Variants in ADGRA3 observed in about 807,000 individuals in gnomAD.
ADGRA3 encodes the protein adhesion G protein-coupled receptor A3.
ADGRA3 carries 56 observed loss-of-function variants against 119.8 expected under a neutral mutation model. The ratio of observed to expected loss-of-function variants is 0.47; its 90% CI spans 0.38 to 0.58. The LOEUF is 0.58. ADGRA3 is among the 20% of genes least tolerant of loss of function. The pLI, the probability that ADGRA3 is intolerant of heterozygous loss-of-function variation, is 0.00. For synonymous variants in ADGRA3, 607 were observed against 623.8 expected, an observed-to-expected ratio of 0.97 and a Z score of 0.40; for missense variants, 1,516 against 1,649.0, an observed-to-expected ratio of 0.92 and a Z score of 1.40.
Position 22,387,608 on chromosome 4 carries a change from C to G in ADGRA3, c.*97G>C, listed in dbSNP as rs1177103433. 1 of 1,158,052 alleles carries G rather than the reference C, an allele frequency of 8.6e-7. No individual in the cohort carries two copies. The highest frequency in any genetic ancestry group is 1.2e-6 in the Non-Finnish European group (1 of 842,110). 71.7% of individuals were successfully genotyped at this position (1,158,052 alleles called of 1,614,324 possible). ...AAGTTTATTCCAAATTCTTTTGAAT[C>G]CCTATGGTGGCTGTAAACAGTTTTT... On this transcript the variant is annotated 3_prime_UTR_variant, in exon 19 of 19. Coordinates refer to ENST00000334304, the MANE Select transcript of ADGRA3 (RefSeq NM_145290.4).
intron 12 of ADGRA3, chr4:22,414,508 A>G (rs1166997728): frequency 3.2e-6 from 2 of 622,598 alleles, no homozygotes; most frequent in Non-Finnish European, 5.7e-6. Flanking sequence ...TGAACAATTA[A>G]CCATCTAAAA....
At chr4:22,416,135 AT>A (rs1343432051) in intron 12 of ADGRA3, among the ~76,000 whole-genome samples, 1 of 152,180 alleles carries the variant, frequency 6.6e-6, no homozygotes, top group Non-Finnish European at 1.5e-5. Flanking sequence ...TTGTAAATCT[AT>A]TAGTCACCGC....
intron 4 of ADGRA3, among the ~76,000 whole-genome samples, 189 bp from the exon 5 acceptor site, chr4:22,447,700 A>G (rs1470209836): frequency 6.6e-6 from 1 of 152,180 alleles, no homozygotes. Context: ...ATTATGCTTC[A>G]CCTTACACAA....
intron 1 of ADGRA3, among the ~76,000 whole-genome samples, chr4:22,501,138 A>G (rs950214755): frequency 7.9e-5 from 12 of 152,172 alleles, no homozygotes; most frequent in Admixed American, 4.6e-4. Context: ...TAACCATGTG[A>G]GCCAACACCT....
chr4:22,511,804 C>T (rs1383827280), intron 1 of ADGRA3, among the ~76,000 whole-genome samples: 1 of 152,080 alleles, frequency 6.6e-6, no homozygotes, highest in Non-Finnish European at 1.5e-5. Flanking sequence ...CTCTCCAAAC[C>T]CGTGGGCACC....
chr4:22,485,426 C>T (rs1184561961), intron 1 of ADGRA3, among the ~76,000 whole-genome samples: 1 of 151,862 alleles, frequency 6.6e-6, no homozygotes, highest in Non-Finnish European at 1.5e-5. Flanking sequence ...CAACCTTTCC[C>T]ATTAGATGCT....
chr4:22,443,131 G>A lies in ADGRA3; in HGVS notation c.707-268C>T, dbSNP rs1280018166. On this transcript the variant is annotated intron_variant, in intron 6 of 18. Transcript: ENST00000334304. ...ATCCTAAGAGTATCAGATGATTACA[G>A]AAATGAACTAAAAGAACAAGCTGTG... 6.0e-6 allele frequency: 4 copies of A among 670,962 alleles called. No homozygotes were observed. The Admixed American group carries it at 1.0e-4, about 17-fold the overall frequency. The allele number at this position is 670,962 out of a possible 1,614,324, so 41.6% of individuals were successfully genotyped here.
chr4:22,472,880 G>C (rs1420168133), intron 2 of ADGRA3: 1 of 152,118 alleles, frequency 6.6e-6, no homozygotes, highest in African/African-American at 2.4e-5. Context: ...TATCCTAAAT[G>C]CATGAGTTAA....
At chr4:22,456,267 T>C (rs1717232643) in intron 3 of ADGRA3, among the ~76,000 whole-genome samples, 1 of 152,184 alleles carries the variant, frequency 6.6e-6, no homozygotes, top group South Asian at 2.1e-4. Flanking sequence ...GAGGCCTCAA[T>C]GGCTGGTGAA....
chr4:22,470,143 G>T (rs991191805), intron 2 of ADGRA3, among the ~76,000 whole-genome samples: 1 of 151,994 alleles, frequency 6.6e-6, no homozygotes, highest in South Asian at 2.1e-4. Context: ...ATCTTTTTAC[G>T]ATTTTAATTA....
intron 2 of ADGRA3, among the ~76,000 whole-genome samples, chr4:22,469,974 C>G (rs576445976): frequency 1.3e-5 from 2 of 152,254 alleles, no homozygotes; most frequent in Admixed American, 6.5e-5. Flanking sequence ...TATGTATATC[C>G]TATGTTTCTC....
At chr4:22,493,115 C>A (rs987374736) in intron 1 of ADGRA3, among the ~76,000 whole-genome samples, 1 of 152,194 alleles carries the variant, frequency 6.6e-6, no homozygotes, top group African/African-American at 2.4e-5. Context: ...CAAGTGTACA[C>A]CACCACACAC....
In ADGRA3 at chr4:22,390,348, T is replaced by TTA. The variant is rs10623892; in HGVS notation, c.2628-1167_2628-1166dup. 1.6e-3 allele frequency among the ~76,000 whole-genome samples: 123 copies of TTA among 78,940 alleles called. 12 individuals carry two copies. Among genetic ancestry groups the TTA allele is most frequent in the East Asian group, 0.012 (29 of 2,514 alleles). 51.8% of individuals were successfully genotyped at this position (78,940 alleles called of 152,430 possible). A position where few individuals can be genotyped will look rare whatever the true frequency, so the allele number is the denominator to read the frequency against. On this transcript the variant is annotated intron_variant, in intron 17 of 18. Transcript: ENST00000334304. ...TATATATATATATATAAAATACATATTATATATATATAATACGTATTATAT... is the reference window on the plus strand; with the variant it reads ...TATATATATATATATAAAATACATATTATATATATATATAATACGTATTATAT...
chr4:22,449,270 A>C (rs1716943605), intron 4 of ADGRA3, among the ~76,000 whole-genome samples: 1 of 146,302 alleles, frequency 6.8e-6, no homozygotes. Context: ...ACCCCGTCTC[A>C]AAAAAAAAAA....
intron 1 of ADGRA3, among the ~76,000 whole-genome samples, chr4:22,507,628 C>T (rs1277965933): frequency 1.3e-5 from 2 of 152,180 alleles, no homozygotes; most frequent in African/African-American, 4.8e-5. Context: ...CCAACTTCTC[C>T]TGGTGCTGGA....
chr4:22,477,006 G>T (rs79004716), intron 1 of ADGRA3, among the ~76,000 whole-genome samples: 1 of 151,544 alleles, frequency 6.6e-6, no homozygotes, highest in Non-Finnish European at 1.5e-5. Context: ...AATATCTTTC[G>T]AAATCTCTAA....
intron 10 of ADGRA3, among the ~76,000 whole-genome samples, chr4:22,434,004 A>G (rs1446086163): frequency 1.3e-5 from 2 of 152,078 alleles, no homozygotes; most frequent in Non-Finnish European, 2.9e-5. Flanking sequence ...AGTCCCGTTT[A>G]TATACATGTA....
chr4:22,401,866 A>T (rs1714668562), intron 15 of ADGRA3, among the ~76,000 whole-genome samples: 1 of 152,136 alleles, frequency 6.6e-6, no homozygotes, highest in African/African-American at 2.4e-5. Flanking sequence ...TTTTGTTACT[A>T]CGATGTCTTA....
rs752909223 is a variant in ADGRA3, at chr4:22,424,321, T to A, written c.1475A>T (p.Asn492Ile). Residue 492 changes from asparagine to isoleucine, a missense_variant, in exon 11 of 19, where the codon AAC (asparagine) becomes ATC (isoleucine). Transcript: ENST00000334304. ...GACACGTTCATCAGCCAACATGATGTTACTTGCAATGTCAACCATCACGTC... is the reference window on the plus strand; with the variant it reads ...GACACGTTCATCAGCCAACATGATGATACTTGCAATGTCAACCATCACGTC... ...LGDVMVDIAS[N>I]IMLADERVLW... The A allele has an allele frequency of 1.2e-6, 2 of 1,613,748 alleles. No individual in the cohort carries two copies. The highest frequency in any genetic ancestry group is 4.5e-5 in the East Asian group (2 of 44,880).
Sources: allele counts gnomAD v4.1 joint callset (sites outside exome capture counted in the v4.1 genomes callset), GRCh38; gene constraint gnomAD v4.1.1; transcripts MANE v1.5; gene names NCBI Gene and HGNC (gene_info 2026-07-23, HGNC 2026-07-21).